BPIFA3: variants seen among roughly 807,000 people sequenced by gnomAD.
BPIFA3 encodes BPI fold containing family A member 3, also known as BPI fold-containing family A member 3.
BPIFA3 carries 32 observed loss-of-function variants against 29.7 expected under a neutral mutation model. The ratio of observed to expected loss-of-function variants is 1.08; its 90% CI spans 0.81 to 1.45. The LOEUF (loss-of-function observed/expected upper bound fraction) is 1.45. BPIFA3 is among the 40% of genes most tolerant of loss of function. The probability of loss-of-function intolerance (pLI) is 0.00; values close to 1 mark genes in which losing one functional copy is unlikely to be tolerated. For synonymous variants in BPIFA3, 112 were observed against 113.7 expected (o/e 0.98, Z 0.10); for missense variants, 323 against 311.3 (o/e 1.04, Z -0.28).
rs774006719 is a variant in BPIFA3, at chr20:33,223,879, C to A, written c.196C>A (p.Leu66Met). The A allele has an allele frequency of 6.2e-7, 1 of 1,614,220 alleles. No homozygotes were observed. Among genetic ancestry groups the A allele is most frequent in the Admixed American group, 1.7e-5 (1 of 60,030 alleles). The change falls in exon 2 of 7, where the codon CTG becomes ATG. Residue 66 changes from leucine to methionine, a missense_variant. Physicochemically the swap from Leu to Met is conservative, Grantham distance 15. Transcript: ENST00000375454. The part of the protein sequence containing the change: ...RIQNIHFGDR[L>M]NASAQVAPGL... ...TCAGAACATCCACTTTGGGGACAGA[C>A]TGAATGCCTCAGCACAAGTGGCCCC...
chr20:33,226,442 C>A lies in BPIFA3; in HGVS notation c.573C>A (p.Asn191Lys). Residue 191 changes from asparagine (N) to lysine (K), a missense_variant, in exon 5 of 7, where the codon AAC becomes AAA. Transcript: ENST00000375454. ...CAAAGATGAATCAGTTTCTCTACAA[C>A]CTCAAAGAGAATCTGCAAAAAGTTC... Reference protein sequence around the residue: ...IPPKMNQFLYNLKENLQKVLP... With the variant: ...IPPKMNQFLYKLKENLQKVLP... 1 of 1,611,536 alleles carries A rather than the reference C, an allele frequency of 6.2e-7. No individual in the cohort carries two copies. The highest frequency in any genetic ancestry group is 8.5e-7 in the Non-Finnish European group (1 of 1,179,204).
intron 6 of BPIFA3, among the ~76,000 whole-genome samples, chr20:33,227,286 C>G (rs544131759): frequency 6.6e-6 from 1 of 152,150 alleles, no homozygotes; most frequent in Non-Finnish European, 1.5e-5. Flanking sequence ...GAACACTGGC[C>G]CCATCCCAAA....
At chr20:33,224,279 C>G in intron 2 of BPIFA3, 76 bp from the exon 3 acceptor site, 1 of 1,214,636 alleles carries the variant, frequency 8.2e-7, no homozygotes, top group South Asian at 1.3e-5. Context: ...GTCGGACAGC[C>G]TTGTTTCTCA....
chr20:33,222,553 CAGATGGAT>C (rs1255777907), intron 1 of BPIFA3, among the ~76,000 whole-genome samples: 2 of 131,182 alleles, frequency 1.5e-5, no homozygotes, highest in Non-Finnish European at 3.2e-5. Context: ...GATAGATGGA[CAGATGGAT>C]GGATGGATGG....
chr20:33,224,327 G>C, intron 2 of BPIFA3, 28 bp from the exon 3 acceptor site: 1 of 1,589,824 alleles, frequency 6.3e-7, no homozygotes, highest in Non-Finnish European at 8.6e-7. Flanking sequence ...CCTCACCCTT[G>C]TGGGGCCTCT....
Position 33,226,933 on chromosome 20 carries a change from T to C in BPIFA3, c.625T>C (p.Cys209Arg). 6 of 1,614,172 alleles carry C rather than the reference T, an allele frequency of 3.7e-6. No individual in the cohort carries two copies. The highest frequency in any genetic ancestry group is 5.1e-6 in the Non-Finnish European group (6 of 1,180,000). The change falls in exon 6 of 7, where the codon TGT (cysteine) becomes CGT (arginine). Residue 209 changes from cysteine (C) to arginine (R), a missense_variant. Coordinates refer to ENST00000375454, the MANE Select transcript of BPIFA3 (RefSeq NM_178466.5). ...VLPHMVESQV[C>R]PLIGEILGQL... Reference sequence around the variant, plus strand: ...TCTCTCTGTGCTGATGGTCCAGGTATGTCCTCTGATCGGTGAAATCCTCGG... The same window carrying C: ...TCTCTCTGTGCTGATGGTCCAGGTACGTCCTCTGATCGGTGAAATCCTCGG...
At chr20:33,224,253 C>T (rs979196163) in intron 2 of BPIFA3, 102 bp from the exon 3 acceptor site, 6 of 992,442 alleles carry the variant, frequency 6.0e-6, no homozygotes, top group African/African-American at 4.9e-5. Context: ...AATCCCATTG[C>T]CAGGCCCTCT....
At chr20:33,224,581 G>C (rs528277222) in intron 3 of BPIFA3, 119 bp downstream of exon 3, 1 of 837,668 alleles carries the variant, frequency 1.2e-6, no homozygotes, top group Admixed American at 2.1e-5. Flanking sequence ...GCCACTTGCT[G>C]TGTGACCTTG....
chr20:33,220,673 G>C (rs558483511), intron 1 of BPIFA3, among the ~76,000 whole-genome samples: 274 of 152,282 alleles, frequency 1.8e-3, no homozygotes, highest in Middle Eastern at 6.8e-3. Context: ...GGTACAGATG[G>C]AAGGAAAGCT....
In BPIFA3 at chr20:33,226,792, C is replaced by T. The variant is rs1046004648; in HGVS notation, c.622-138C>T. The stretch of plus-strand genomic sequence containing the variant: ...TGCATGACACTGAGCAGGTAGTTGG[C>T]GCTCACTACAAGGGAGCTGCTCTGG... On this transcript the variant is annotated intron_variant, in intron 5 of 6. Coordinates refer to ENST00000375454, the MANE Select transcript of BPIFA3 (RefSeq NM_178466.5). 1.2e-4 allele frequency: 111 copies of T among 899,186 alleles called. No individual in the cohort carries two copies. The African/African-American group carries it at 1.4e-3, about 11-fold the overall frequency. 55.7% of individuals were successfully genotyped at this position (899,186 alleles called of 1,614,324 possible). A position where few individuals can be genotyped will look rare whatever the true frequency, so the allele number is the denominator to read the frequency against.
At position 33,226,498 on chromosome 20, in the gene BPIFA3, T is replaced by C; in HGVS notation, c.621+8T>C. The C allele has an allele frequency of 2.5e-6, 4 of 1,589,380 alleles. No individual in the cohort carries two copies. Among genetic ancestry groups the C allele is most frequent in the Non-Finnish European group, 3.4e-6 (4 of 1,162,058 alleles). On this transcript the variant is annotated splice_region_variant and intron_variant, in intron 5 of 6. Coordinates refer to ENST00000375454, the MANE Select transcript of BPIFA3 (RefSeq NM_178466.5). ...CACATGGTAGAAAGTCAGGTAAGTT[T>C]AGAAAAAACTTTGCATCTTGAGCAT...
chr20:33,220,473 A>G lies in BPIFA3; in HGVS notation c.127+2810A>G, dbSNP rs1276920768. Among the ~76,000 whole-genome samples, 9 of 152,146 alleles carry G rather than the reference A, an allele frequency of 5.9e-5. No homozygotes were observed. The East Asian group carries it at 1.7e-3, about 29-fold the overall frequency. ...AATTTAAAGAGAGTTGATATTTTAG[A>G]CTTCCCAATCATAAATTTAGTGTAT... On this transcript the variant is annotated intron_variant, in intron 1 of 6. Coordinates refer to ENST00000375454, the MANE Select transcript of BPIFA3 (RefSeq NM_178466.5).
intron 1 of BPIFA3, among the ~76,000 whole-genome samples, chr20:33,220,533 TAA>T (rs1985464646): frequency 1.3e-5 from 2 of 152,218 alleles, no homozygotes; most frequent in South Asian, 4.1e-4. Flanking sequence ...ATATATCCCA[TAA>T]GAGAATTTTA....
At chr20:33,217,310 G>T, upstream of BPIFA3, 1 of 470,352 alleles carries the variant, frequency 2.1e-6, no homozygotes, top group Non-Finnish European at 3.7e-6. Context: ...GCCTCCCTCT[G>T]GAGCCCTGGC....
At chr20:33,220,624 C>T (rs1211300362) in intron 1 of BPIFA3, among the ~76,000 whole-genome samples, 1 of 152,162 alleles carries the variant, frequency 6.6e-6, no homozygotes, top group African/African-American at 2.4e-5. Context: ...ATAGTAAATG[C>T]TACCTAATCT....
intron 1 of BPIFA3, 163 bp from the exon 2 acceptor site, chr20:33,223,648 A>G: frequency 4.1e-6 from 3 of 727,022 alleles, no homozygotes; most frequent in South Asian, 5.0e-5. Context: ...GCAAAGCATA[A>G]TTTCATAGAT....
intron 3 of BPIFA3, among the ~76,000 whole-genome samples, chr20:33,224,896 G>GT (rs1321982579): frequency 6.6e-6 from 1 of 152,178 alleles, no homozygotes; most frequent in Non-Finnish European, 1.5e-5. Context: ...TATTTAAGGG[G>GT]TTTTCAGAGT....
rs775605898 is a variant in BPIFA3, at chr20:33,221,937, G to T, written c.128-1874G>T. 1.1e-4 allele frequency among the ~76,000 whole-genome samples: 16 copies of T among 152,204 alleles called. 1 individual carries two copies. The highest frequency in any genetic ancestry group is 1.0e-4 in the Non-Finnish European group (7 of 68,036). ...TTAAATGCTGGAAAGTATGTGAAAA[G>T]TTCTTTGACTATGCATATGTTTATT... is the stretch of plus-strand genomic sequence containing the variant. On this transcript the variant is annotated intron_variant, in intron 1 of 6. Transcript: ENST00000375454.
At chr20:33,227,464 A>T (rs1190850350) in intron 6 of BPIFA3, 74 bp from the exon 7 acceptor site, 1 of 1,271,682 alleles carries the variant, frequency 7.9e-7, no homozygotes, top group African/African-American at 1.5e-5. Flanking sequence ...CCATGGATGG[A>T]TGAGGGTTTC....
Sources: gnomAD v4.1 joint callset for allele counts (sites outside exome capture counted in the v4.1 genomes callset) on GRCh38, gnomAD v4.1.1 for gene constraint, MANE v1.5 for transcripts, NCBI Gene and HGNC (gene_info 2026-07-23, HGNC 2026-07-21) for gene names.